XKR4: variants seen among roughly 807,000 people sequenced by gnomAD.
XKR4 encodes the protein XK related 4.
In XKR4, 12 loss-of-function variants were observed where a neutral mutation model predicts 53.9. That is an observed-to-expected ratio of 0.22 (90% CI 0.14 to 0.36). The LOEUF (loss-of-function observed/expected upper bound fraction) is 0.36. Among genes scored for constraint, XKR4 ranks in the 10% least tolerant of loss-of-function variants. The pLI is 1.00. For missense variants in XKR4, 799 were observed against 859.5 expected, an observed-to-expected ratio of 0.93 and a Z score of 0.88; for synonymous variants, 354 against 362.4, an observed-to-expected ratio of 0.98 and a Z score of 0.26.
intron 1 of XKR4, among the ~76,000 whole-genome samples, chr8:55,234,770 A>T (rs1818095434): frequency 6.6e-6 from 1 of 152,238 alleles, no homozygotes; most frequent in Non-Finnish European, 1.5e-5. Context: ...ACAATAATCA[A>T]ACGCATTAAA....
intron 1 of XKR4, among the ~76,000 whole-genome samples, chr8:55,110,453 G>A (rs1816215247): frequency 6.6e-6 from 1 of 152,120 alleles, no homozygotes. Flanking sequence ...ATAGAACCCA[G>A]GCACTATTCT....
At chr8:55,351,149 TA>T (rs1216880667) in intron 1 of XKR4, among the ~76,000 whole-genome samples, 1 of 152,160 alleles carries the variant, frequency 6.6e-6, no homozygotes, top group Admixed American at 6.5e-5. Context: ...TTAAAATAAT[TA>T]GGACGGTAAA....
chr8:55,526,677 T>C lies in XKR4; in HGVS notation c.*2450T>C, dbSNP rs1337945512. The C allele has an allele frequency of 6.6e-6, 1 of 152,230 alleles. No individual in the cohort carries two copies. The highest frequency in any genetic ancestry group is 1.5e-5 in the Non-Finnish European group (1 of 68,032). 9.4% of individuals were successfully genotyped at this position (152,230 alleles called of 1,614,324 possible). A position where few individuals can be genotyped will look rare whatever the true frequency, so the allele number is the denominator to read the frequency against. On this transcript the variant is annotated 3_prime_UTR_variant, in exon 3 of 3. Coordinates refer to ENST00000327381, the MANE Select transcript of XKR4 (RefSeq NM_052898.2). ...TGAACTGTACCTTTGATTCTATGAG[T>C]AAATCACAGATTACAGTCTAATAGA...
intron 2 of XKR4, among the ~76,000 whole-genome samples, chr8:55,507,061 A>G (rs1394058977): frequency 6.6e-6 from 1 of 152,174 alleles, no homozygotes; most frequent in Non-Finnish European, 1.5e-5. Flanking sequence ...ATCTGGTTCA[A>G]GTCTTTTCTA....
At chr8:55,512,611 A>G (rs985257217) in intron 2 of XKR4, among the ~76,000 whole-genome samples, 7 of 152,204 alleles carry the variant, frequency 4.6e-5, no homozygotes, top group Admixed American at 4.6e-4. Flanking sequence ...TCCTCTAGGG[A>G]ACGATGTTTG....
intron 1 of XKR4, among the ~76,000 whole-genome samples, chr8:55,231,848 A>G (rs749289783): frequency 9.2e-5 from 14 of 152,156 alleles, no homozygotes; most frequent in Non-Finnish European, 1.6e-4. Context: ...CTTAAATTGG[A>G]GAGATTCCCT....
chr8:55,405,236 G>A (rs1175142740), intron 2 of XKR4, among the ~76,000 whole-genome samples: 3 of 152,172 alleles, frequency 2.0e-5, no homozygotes, highest in South Asian at 2.1e-4. Context: ...CACATGTAGC[G>A]AAGAATCAGG....
intron 1 of XKR4, among the ~76,000 whole-genome samples, chr8:55,315,364 G>T (rs968177033): frequency 6.6e-6 from 1 of 152,172 alleles, no homozygotes; most frequent in Admixed American, 6.5e-5. Flanking sequence ...GTCAGTGTCC[G>T]TGAGGAGCAT....
intron 2 of XKR4, among the ~76,000 whole-genome samples, chr8:55,461,501 A>G (rs533124099): frequency 3.9e-5 from 6 of 152,342 alleles, no homozygotes; most frequent in African/African-American, 1.4e-4. Context: ...GACCAAAGGT[A>G]GATAAAACCA....
At chr8:55,364,445 C>G (rs1803944789) in intron 2 of XKR4, among the ~76,000 whole-genome samples, 1 of 152,208 alleles carries the variant, frequency 6.6e-6, no homozygotes, top group South Asian at 2.1e-4. Flanking sequence ...CGTGTTCTCC[C>G]CGATGCCCCT....
intron 1 of XKR4, among the ~76,000 whole-genome samples, chr8:55,308,190 T>C (rs1819334298): frequency 6.6e-6 from 1 of 152,106 alleles, no homozygotes; most frequent in Admixed American, 6.5e-5. Flanking sequence ...GAGGCATAGG[T>C]TGCAGTGAGC....
At chr8:55,204,596 A>T (rs1374826385) in intron 1 of XKR4, among the ~76,000 whole-genome samples, 1 of 152,184 alleles carries the variant, frequency 6.6e-6, no homozygotes, top group Non-Finnish European at 1.5e-5. Context: ...TCTACACAAG[A>T]GGTCGTCAAT....
chr8:55,170,753 G>A (rs1817146050), intron 1 of XKR4, among the ~76,000 whole-genome samples: 1 of 152,180 alleles, frequency 6.6e-6, no homozygotes, highest in Non-Finnish European at 1.5e-5. Flanking sequence ...AAACATTTCA[G>A]TCAGCAAACC....
chr8:55,124,312 A>G (rs931891978), intron 1 of XKR4, among the ~76,000 whole-genome samples: 1 of 152,192 alleles, frequency 6.6e-6, no homozygotes, highest in African/African-American at 2.4e-5. Flanking sequence ...TCTTTAGTAG[A>G]GCAAAACTAC....
Position 55,316,434 on chromosome 8 carries a change from T to A in XKR4, c.807-41244T>A, listed in dbSNP as rs186791892. Among the ~76,000 whole-genome samples the A allele has an allele frequency of 9.7e-4, 148 of 152,354 alleles. 1 individual carries two copies. The highest frequency in any genetic ancestry group is 3.4e-3 in the African/African-American group (143 of 41,590). On this transcript the variant is annotated intron_variant, in intron 1 of 2. Transcript: ENST00000327381. ...TTGGTTCAGGATTAAAGTCATGAGT[T>A]GTCTAGATATACTCCTTTTGTCAAA...
intron 1 of XKR4, among the ~76,000 whole-genome samples, chr8:55,284,224 A>G (rs1226920719): frequency 2.0e-5 from 3 of 152,232 alleles, no homozygotes; most frequent in Admixed American, 6.5e-5. Context: ...CAATAAATTT[A>G]CTAGGTTATA....
Position 55,460,773 on chromosome 8 carries a change from C to T in XKR4, c.1007-62508C>T, listed in dbSNP as rs1025348263. On this transcript the variant is annotated intron_variant, in intron 2 of 2. Coordinates refer to ENST00000327381, the MANE Select transcript of XKR4 (RefSeq NM_052898.2). ...AGATGGCACCTGGAAAATCGGGTCA[C>T]TCCCACCCTAATACTGTGTTTTTCC... 3.9e-5 allele frequency among the ~76,000 whole-genome samples: 6 copies of T among 152,346 alleles called. No homozygotes were observed. In the South Asian group the frequency reaches 8.3e-4, roughly 21 times the overall value.
chr8:55,181,683 G>A (rs908474552), intron 1 of XKR4, among the ~76,000 whole-genome samples: 2 of 152,040 alleles, frequency 1.3e-5, no homozygotes, highest in African/African-American at 4.8e-5. Flanking sequence ...GTGACTTTGG[G>A]GATAGAGGAA....
chr8:55,395,141 C>T (rs549036453), intron 2 of XKR4, among the ~76,000 whole-genome samples: 15 of 151,916 alleles, frequency 9.9e-5, no homozygotes, highest in African/African-American at 2.7e-4. Context: ...AGGGAGGTAG[C>T]GAATCACTGA....
Sources: allele counts gnomAD v4.1 joint callset (sites outside exome capture counted in the v4.1 genomes callset), GRCh38; gene constraint gnomAD v4.1.1; transcripts MANE v1.5; gene names NCBI Gene and HGNC (gene_info 2026-07-23, HGNC 2026-07-21).